The following HOMER2 variants were observed in gnomAD, a reference collection of about 807,000 sequenced individuals.
HOMER2 encodes the protein homer scaffold protein 2.
A neutral mutation model predicts 47.0 loss-of-function variants in HOMER2; 27 were observed. The observed-to-expected ratio is 0.57, with a 90% CI of 0.42 to 0.79. The LOEUF is 0.79. Ranked by LOEUF, HOMER2 falls within the 30% of genes least tolerant of loss-of-function variation. The pLI is 0.00. For synonymous variants in HOMER2, 161 were observed against 163.8 expected, an observed-to-expected ratio of 0.98 and a Z score of 0.13; for missense variants, 443 against 435.0, an observed-to-expected ratio of 1.02 and a Z score of -0.16.
intron 1 of HOMER2, among the ~76,000 whole-genome samples, chr15:82,963,157 T>A (rs761828410): frequency 1.1e-4 from 16 of 152,194 alleles, no homozygotes; most frequent in Non-Finnish European, 2.2e-4. Context: ...CAATCATAGC[T>A]CACTGCAGCC....
At chr15:82,917,561 C>T (rs1235483784) in intron 1 of HOMER2, among the ~76,000 whole-genome samples, 29 of 152,216 alleles carry the variant, frequency 1.9e-4, no homozygotes, top group Non-Finnish European at 1.8e-4. Context: ...GATCCGCCCC[C>T]GTGGGGACAG....
chr15:82,898,952 C>A (rs180896587), intron 1 of HOMER2, among the ~76,000 whole-genome samples: 43 of 152,188 alleles, frequency 2.8e-4, no homozygotes, highest in African/African-American at 1.0e-3. Context: ...TGTAAGGTAC[C>A]CTAATTAGTT....
intron 4 of HOMER2, among the ~76,000 whole-genome samples, chr15:82,862,278 A>G (rs2051820754): frequency 6.6e-6 from 1 of 152,154 alleles, no homozygotes; most frequent in African/African-American, 2.4e-5. Context: ...GATTAGAAAC[A>G]AAAAGTCATT....
At chr15:82,889,610 A>T (rs1379507362) in intron 2 of HOMER2, among the ~76,000 whole-genome samples, 1 of 152,168 alleles carries the variant, frequency 6.6e-6, no homozygotes, top group Admixed American at 6.5e-5. Flanking sequence ...GTATTCAGGC[A>T]GGATCGAGAT....
At chr15:82,939,512 C>G (rs2054215232) in intron 1 of HOMER2, among the ~76,000 whole-genome samples, 2 of 151,930 alleles carry the variant, frequency 1.3e-5, no homozygotes, top group Non-Finnish European at 2.9e-5. Flanking sequence ...ACTAAAAATA[C>G]AAAAAAAATT....
chr15:82,916,930 T>C (rs1428779018), intron 1 of HOMER2, among the ~76,000 whole-genome samples: 1 of 152,034 alleles, frequency 6.6e-6, no homozygotes, highest in African/African-American at 2.4e-5. Context: ...ACCTCCCGAG[T>C]AGCTGGGATT....
At chr15:82,877,496 G>T (rs976967801) in intron 2 of HOMER2, among the ~76,000 whole-genome samples, 1 of 152,142 alleles carries the variant, frequency 6.6e-6, no homozygotes, top group Non-Finnish European at 1.5e-5. Flanking sequence ...AAACTAACTT[G>T]CTTAAGGTAA....
At chr15:82,984,769 C>A (rs1039936138) in intron 1 of HOMER2, among the ~76,000 whole-genome samples, 1 of 152,100 alleles carries the variant, frequency 6.6e-6, no homozygotes, top group Admixed American at 6.6e-5. Flanking sequence ...TATGCCATGA[C>A]CACGTCACTG....
At chr15:82,848,786 C>A (rs1445661762), downstream of HOMER2, among the ~76,000 whole-genome samples, 1 of 152,188 alleles carries the variant, frequency 6.6e-6, no homozygotes, top group East Asian at 1.9e-4. Flanking sequence ...CGGATGGGCT[C>A]CAGGGGCCTG....
At position 82,851,110 on chromosome 15, in the gene HOMER2, T is replaced by A. The variant is rs370753202; in HGVS notation, c.843+41A>T. On this transcript the variant is annotated intron_variant, in intron 8 of 8. Transcript: ENST00000450735. ...AATGAGTACCATGACATTTGTGCCT[T>A]CTTGTCTGAGCCAGGATGGCTGTGC... The A allele has an allele frequency of 5.5e-5, 72 of 1,317,040 alleles. 1 individual carries two copies. The highest frequency in any genetic ancestry group is 7.5e-5 in the Non-Finnish European group (70 of 930,110). 81.6% of individuals were successfully genotyped at this position (1,317,040 alleles called of 1,614,324 possible).
At chr15:82,977,934 G>C (rs2030262312) in intron 1 of HOMER2, among the ~76,000 whole-genome samples, 1 of 152,180 alleles carries the variant, frequency 6.6e-6, no homozygotes, top group Admixed American at 6.5e-5. Context: ...ATCCTGACTT[G>C]AGGTCAGGAT....
At chr15:82,970,579 T>G (rs1254725804) in intron 1 of HOMER2, among the ~76,000 whole-genome samples, 1 of 152,222 alleles carries the variant, frequency 6.6e-6, no homozygotes, top group Non-Finnish European at 1.5e-5. Context: ...GGATGGGCAG[T>G]GGAGACTCTA....
downstream of HOMER2, among the ~76,000 whole-genome samples, chr15:82,848,813 CT>C (rs1385151558): frequency 6.6e-6 from 1 of 152,204 alleles, no homozygotes; most frequent in East Asian, 1.9e-4. Flanking sequence ...GCTCCTGCTG[CT>C]TCCCCTTCTC....
chr15:82,922,628 A>G (rs2053757720), intron 1 of HOMER2, among the ~76,000 whole-genome samples: 1 of 152,102 alleles, frequency 6.6e-6, no homozygotes, highest in Admixed American at 6.6e-5. Flanking sequence ...AAGTGAAGGG[A>G]GCCTTTTTTT....
At chr15:82,880,888 G>A (rs1332872716) in intron 2 of HOMER2, among the ~76,000 whole-genome samples, 3 of 152,156 alleles carry the variant, frequency 2.0e-5, no homozygotes, top group Non-Finnish European at 4.4e-5. Context: ...TGCCACAGGT[G>A]GCCAGCAACC....
chr15:82,871,889 C>T (rs958632104), intron 3 of HOMER2, among the ~76,000 whole-genome samples: 1 of 152,208 alleles, frequency 6.6e-6, no homozygotes, highest in Non-Finnish European at 1.5e-5. Flanking sequence ...AACCTTCCCC[C>T]CTTTCTACCT....
At chr15:82,918,968 C>A (rs117861312) in intron 1 of HOMER2, among the ~76,000 whole-genome samples, 21 of 152,162 alleles carry the variant, frequency 1.4e-4, no homozygotes, top group Non-Finnish European at 1.0e-4. Context: ...CTTAAAGAAG[C>A]GTTTTTTTCT....
chr15:82,870,279 G>A (rs188893411), intron 3 of HOMER2, among the ~76,000 whole-genome samples: 18 of 152,236 alleles, frequency 1.2e-4, no homozygotes, highest in Non-Finnish European at 2.2e-4. Context: ...ATGGAAATCC[G>A]TTTCCCTGGT....
intron 1 of HOMER2, among the ~76,000 whole-genome samples, chr15:82,969,639 TTTAC>T (rs1235837271): frequency 6.6e-6 from 1 of 152,166 alleles, no homozygotes; most frequent in East Asian, 1.9e-4. Flanking sequence ...ACAATAAATG[TTTAC>T]TTAAAGAGAC....
Sources: gnomAD v4.1 joint callset for allele counts (sites outside exome capture counted in the v4.1 genomes callset) on GRCh38, gnomAD v4.1.1 for gene constraint, MANE v1.5 for transcripts, NCBI Gene and HGNC (gene_info 2026-07-23, HGNC 2026-07-21) for gene names.